Variants in FLG observed in about 807,000 individuals in gnomAD.
FLG encodes the protein epidermal filaggrin.
In FLG, 6 loss-of-function variants were observed where a neutral mutation model predicts 3.8. The observed-to-expected ratio is 1.60, with a 90% CI of 0.87 to 3.15. The LOEUF is 3.15. Among genes scored for constraint, FLG ranks in the 30% most tolerant of loss-of-function variants. The pLI, the probability that FLG is intolerant of heterozygous loss-of-function variation, is 0.00. For missense variants in FLG, 7,595 were observed against 5,050.9 expected, an observed-to-expected ratio of 1.50 and a Z score of -15.27; for synonymous variants, 2,551 against 1,931.6, an observed-to-expected ratio of 1.32 and a Z score of -8.41.
At position 152,308,834 on chromosome 1, in the gene FLG, T is replaced by C. The variant is rs1281153587; in HGVS notation, c.6052A>G (p.Arg2018Gly). The C allele has an allele frequency of 6.2e-7, 1 of 1,614,206 alleles. No homozygotes were observed. ...TGTCCATGCCCAATGCCTGAGTGTC[T>C]GGAGCTGTCTGCTGACTGGAGCTGG... Reference protein sequence around the residue: ...HHQLQSADSSRHSGIGHGQAS... With the variant: ...HHQLQSADSSGHSGIGHGQAS... Residue 2018 changes from arginine (R) to glycine (G), a missense_variant, in exon 3 of 3, where the codon AGA becomes GGA. Physicochemically the swap from Arg to Gly is moderately radical, Grantham distance 125. Transcript: ENST00000368799.
At chr1:152,320,037 G>A (rs759788013) in intron 1 of FLG, among the ~76,000 whole-genome samples, 6 of 151,100 alleles carry the variant, frequency 4.0e-5, no homozygotes, top group South Asian at 2.1e-4. Flanking sequence ...TTTGGGTAGG[G>A]GTTAAAGTAT....
In FLG at chr1:152,309,512, A is replaced by G. The variant is rs201994758; in HGVS notation, c.5374T>C (p.Ser1792Pro). 9.9e-6 allele frequency: 16 copies of G among 1,613,406 alleles called. No homozygotes were observed. The Admixed American group carries it at 2.2e-4, about 22-fold the overall frequency. ...TGPSTGGRQR[S>P]RHEQARDSSR... Reference sequence around the variant, plus strand: ...CTGTCTCGTGCCTGCTCGTGGCGGGATCTTTGTCTTCCTCCAGTGCTGGGC... The same window carrying G: ...CTGTCTCGTGCCTGCTCGTGGCGGGGTCTTTGTCTTCCTCCAGTGCTGGGC... The change falls in exon 3 of 3, where the codon TCC becomes CCC. Residue 1792 changes from serine to proline, a missense_variant. Coordinates refer to ENST00000368799, the MANE Select transcript of FLG (RefSeq NM_002016.2).
At chr1:152,320,678 T>A (rs1186414304) in intron 1 of FLG, among the ~76,000 whole-genome samples, 1 of 151,124 alleles carries the variant, frequency 6.6e-6, no homozygotes, top group Non-Finnish European at 1.5e-5. Context: ...TGTAAGAATG[T>A]AGAATATTTC....
At position 152,312,961 on chromosome 1, in the gene FLG, G is replaced by T. The variant is rs556813000; in HGVS notation, c.1925C>A (p.Ser642Tyr). 26 of 1,613,960 alleles carry T rather than the reference G, an allele frequency of 1.6e-5. No homozygotes were observed. The African/African-American group carries it at 3.5e-4, about 22-fold the overall frequency. The change falls in exon 3 of 3, where the codon TCC (serine) becomes TAC (tyrosine). Residue 642 changes from serine to tyrosine, a missense_variant. Ser to Tyr is a moderately radical substitution (Grantham distance 144, BLOSUM62 -2). Coordinates refer to ENST00000368799, the MANE Select transcript of FLG (RefSeq NM_002016.2). ...CTGAGCAGATCCATGATGGTTTCTG[G>T]AAGCAGACCCAGACCACCTCTCAGA... is the stretch of plus-strand genomic sequence containing the variant. ...EDSERWSGSASRNHHGSAQEQ... is the reference protein window; with the variant it reads ...EDSERWSGSAYRNHHGSAQEQ...
At position 152,312,941 on chromosome 1, in the gene FLG, C is replaced by A. The variant is rs375044373; in HGVS notation, c.1945G>T (p.Ala649Ser). The A allele has an allele frequency of 2.7e-5, 44 of 1,613,896 alleles. No homozygotes were observed. The highest frequency in any genetic ancestry group is 8.0e-5 in the African/African-American group (6 of 74,802). ...GAGCCATCTCTTGACTGCTCCTGAG[C>A]AGATCCATGATGGTTTCTGGAAGCA... is the stretch of plus-strand genomic sequence containing the variant. ...GSASRNHHGS[A>S]QEQSRDGSRH... The change falls in exon 3 of 3, where the codon GCT becomes TCT. Residue 649 changes from alanine (A) to serine (S), a missense_variant. Physicochemically the swap from Ala to Ser is moderately conservative, Grantham distance 99. Coordinates refer to ENST00000368799, the MANE Select transcript of FLG (RefSeq NM_002016.2).
Position 152,306,481 on chromosome 1 carries a change from T to G in FLG, c.8405A>C (p.His2802Pro). The G allele has an allele frequency of 6.2e-7, 1 of 1,608,792 alleles. No homozygotes were observed. Among genetic ancestry groups the G allele is most frequent in the Non-Finnish European group, 8.5e-7 (1 of 1,179,980 alleles). The stretch of plus-strand genomic sequence containing the variant: ...TCCAGAGCTATCTACCGAATGCTCG[T>G]GGTGGTACCCCTGCCTTCCTCCTCT... ...SSRGGRQGYH[H>P]EHSVDSSGHS... Residue 2802 changes from histidine (H) to proline (P), a missense_variant, in exon 3 of 3, where the codon CAC becomes CCC. Transcript: ENST00000368799.
Position 152,307,739 on chromosome 1 carries a change from C to G in FLG, c.7147G>C (p.Val2383Leu), listed in dbSNP as rs777216840. 5.0e-6 allele frequency: 8 copies of G among 1,613,472 alleles called. No homozygotes were observed. Among genetic ancestry groups the G allele is most frequent in the South Asian group, 1.1e-5 (1 of 91,022 alleles). Reference sequence around the variant, plus strand: ...GGCCCAGCCTGTCCGTGGGCTGACACTGACTGTGTGTCTGAGTCTTCTGAA... The same window carrying G: ...GGCCCAGCCTGTCCGTGGGCTGACAGTGACTGTGTGTCTGAGTCTTCTGAA... ...GHSEDSDTQSVSAHGQAGPHQ... is the reference protein window; with the variant it reads ...GHSEDSDTQSLSAHGQAGPHQ... The change falls in exon 3 of 3, where the codon GTG becomes CTG. Residue 2383 changes from valine to leucine, a missense_variant. By Grantham distance (32) the Val-to-Leu change is conservative. Transcript: ENST00000368799.
Position 152,304,619 on chromosome 1 carries a change from T to A in FLG, c.10267A>T (p.Arg3423Trp), listed in dbSNP as rs765987006. ...TGACCCTCTTGGGACGCTGAGTGCCTGGAGCTGTCTCGTGCCTGCTCGTGG... is the reference window on the plus strand; with the variant it reads ...TGACCCTCTTGGGACGCTGAGTGCCAGGAGCTGTCTCGTGCCTGCTCGTGG... The part of the protein sequence containing the change: ...SHHEQARDSS[R>W]HSASQEGQDT... The change falls in exon 3 of 3, where the codon AGG becomes TGG. Residue 3423 changes from arginine to tryptophan, a missense_variant. Arg to Trp is a moderately radical substitution (Grantham distance 101). Coordinates refer to ENST00000368799, the MANE Select transcript of FLG (RefSeq NM_002016.2). 33 of 1,613,008 alleles carry A rather than the reference T, an allele frequency of 2.0e-5. 1 individual carries two copies. The highest frequency in any genetic ancestry group is 2.7e-5 in the Non-Finnish European group (32 of 1,179,696).
intron 1 of FLG, among the ~76,000 whole-genome samples, chr1:152,318,429 T>C (rs12751649): frequency 0.018 from 2,712 of 152,068 alleles, 48 homozygotes; most frequent in South Asian, 0.06. Context: ...CTTTTTTTCT[T>C]GGATCTCATG....
At chr1:152,315,811 T>C (rs1652769467) in intron 1 of FLG, among the ~76,000 whole-genome samples, 2 of 152,178 alleles carry the variant, frequency 1.3e-5, no homozygotes, top group South Asian at 4.1e-4. Flanking sequence ...TGACTGGTTT[T>C]AAGCAGTAAA....
Position 152,309,316 on chromosome 1 carries a change from C to T in FLG, c.5570G>A (p.Gly1857Glu), listed in dbSNP as rs766927102. Residue 1857 changes from glycine (G) to glutamate (E), a missense_variant, in exon 3 of 3, where the codon GGG (glycine) becomes GAG (glutamate). By Grantham distance (98) the Gly-to-Glu change is moderately conservative. Transcript: ENST00000368799. ...GCTGACACTTCTGGATCCTGACTGC[C>T]CACGGGAGACATCAGACCTTTCCTG... The part of the protein sequence containing the change: ...TSQERSDVSR[G>E]QSGSRSVSRQ... The T allele has an allele frequency of 5.6e-6, 9 of 1,613,842 alleles. 1 individual carries two copies. Among genetic ancestry groups the T allele is most frequent in the East Asian group, 4.5e-5 (2 of 44,804 alleles).
chr1:152,318,835 T>C (rs1652868740), intron 1 of FLG, among the ~76,000 whole-genome samples: 1 of 151,802 alleles, frequency 6.6e-6, no homozygotes, highest in African/African-American at 2.4e-5. Context: ...AACAATAAAT[T>C]AATTCAACAA....
Position 152,309,905 on chromosome 1 carries a change from A to G in FLG, c.4981T>C (p.Ser1661Pro). 1 of 1,614,000 alleles carries G rather than the reference A, an allele frequency of 6.2e-7. No individual in the cohort carries two copies. Among genetic ancestry groups the G allele is most frequent in the Admixed American group, 1.7e-5 (1 of 60,006 alleles). ...RQSGTRHAET[S>P]SGGQAASSQE... ...GATGATGCAGCCTGTCCACCAGAGG[A>G]AGTCTCTGCATGACGAGTGCCTGAT... Residue 1661 changes from serine (S) to proline (P), a missense_variant, in exon 3 of 3, where the codon TCC (serine) becomes CCC (proline). Transcript: ENST00000368799.
At position 152,312,874 on chromosome 1, in the gene FLG, C is replaced by T. The variant is rs753354616; in HGVS notation, c.2012G>A (p.Gly671Glu). 7 of 1,613,838 alleles carry T rather than the reference C, an allele frequency of 4.3e-6. No individual in the cohort carries two copies. In the Admixed American group the frequency reaches 1.2e-4, roughly 27 times the overall value. Residue 671 changes from glycine (G) to glutamate (E), a missense_variant, in exon 3 of 3, where the codon GGG becomes GAG. Physicochemically the swap from Gly to Glu is moderately conservative, Grantham distance 98. Coordinates refer to ENST00000368799, the MANE Select transcript of FLG (RefSeq NM_002016.2). ...RSHHEDRAGH[G>E]HSADSSRKSG... ...TTTTCTGGAGCTGTCTGCAGAGTGC[C>T]CATGACCAGCTCTGTCTTCGTGATG... is the stretch of plus-strand genomic sequence containing the variant.
At position 152,302,370 on chromosome 1, in the gene FLG, A is replaced by G. The variant is rs1480179856; in HGVS notation, c.*330T>C. 4 of 307,498 alleles carry G rather than the reference A, an allele frequency of 1.3e-5. No individual in the cohort carries two copies. The highest frequency in any genetic ancestry group is 2.4e-5 in the Non-Finnish European group (4 of 165,814). The allele number at this position is 307,498 out of a possible 1,614,324, so 19.0% of individuals were successfully genotyped here. ...TCCTTCGATATTTCTGAAAAAGATT[A>G]ATTTAGAAATTTGGGGAGTGTCTAA... is the stretch of plus-strand genomic sequence containing the variant. On this transcript the variant is annotated 3_prime_UTR_variant, in exon 3 of 3. Transcript: ENST00000368799.
rs147066553 is a variant in FLG at position 152,304,742 on chromosome 1, G to C, written c.10144C>G (p.Arg3382Gly). The change falls in exon 3 of 3, where the codon CGT (arginine) becomes GGT (glycine). Residue 3382 changes from arginine to glycine, a missense_variant. Transcript: ENST00000368799. ...ARDRSGGRSG[R>G]SGSFLYQVST... ...ACCTGGTAGAGGAAAGACCCTGAAC[G>C]TCCAGACCTTCCCCCTGACCGGTCA... 13 of 1,613,388 alleles carry C rather than the reference G, an allele frequency of 8.1e-6. No individual in the cohort carries two copies. Among genetic ancestry groups the C allele is most frequent in the East Asian group, 2.2e-5 (1 of 44,754 alleles).
chr1:152,307,336 G>A lies in FLG; in HGVS notation c.7550C>T (p.Thr2517Ile). Residue 2517 changes from threonine (T) to isoleucine (I), a missense_variant, in exon 3 of 3, where the codon ACT (threonine) becomes ATT (isoleucine). Physicochemically the swap from Thr to Ile is moderately conservative, Grantham distance 89. Transcript: ENST00000368799. Reference sequence around the variant, plus strand: ...GTCTCCTGATTGTTCATCGTTACGAGTTTGTCTGCTTGCACTTCTGGATCC... The same window carrying A: ...GTCTCCTGATTGTTCATCGTTACGAATTTGTCTGCTTGCACTTCTGGATCC... ...HSGSRSASRQ[T>I]RNDEQSGDGS... 3 of 1,613,012 alleles carry A rather than the reference G, an allele frequency of 1.9e-6. No individual in the cohort carries two copies. Among genetic ancestry groups the A allele is most frequent in the Non-Finnish European group, 2.5e-6 (3 of 1,179,662 alleles).
Position 152,313,451 on chromosome 1 carries a change from C to G in FLG, c.1435G>C (p.Asp479His), listed in dbSNP as rs1652603484. The part of the protein sequence containing the change: ...LYQVSTHEQP[D>H]SAHGRTGTST... ...GTCCCGGTCCGTCCATGGGCAGAGT[C>G]AGGCTGTTCATGAGTGCTCACCTGG... Residue 479 changes from aspartate to histidine, a missense_variant, in exon 3 of 3, where the codon GAC (aspartate) becomes CAC (histidine). Physicochemically the swap from Asp to His is moderately conservative, Grantham distance 81. Coordinates refer to ENST00000368799, the MANE Select transcript of FLG (RefSeq NM_002016.2). The G allele has an allele frequency of 1.2e-6, 2 of 1,613,856 alleles. No individual in the cohort carries two copies.
rs774898663 is a variant in FLG, at chr1:152,303,403, G to A, written c.11483C>T (p.Ser3828Leu). The A allele has an allele frequency of 3.1e-6, 5 of 1,614,068 alleles. No individual in the cohort carries two copies. Among genetic ancestry groups the A allele is most frequent in the African/African-American group, 1.3e-5 (1 of 74,994 alleles). Residue 3828 changes from serine to leucine, a missense_variant, in exon 3 of 3, where the codon TCG (serine) becomes TTG (leucine). Transcript: ENST00000368799. ...CTGAGTGGAAGCTTCATGGTGACGC[G>A]ACCCTGAGTGCCTGGAGCCGTCTCC... ...QSGDGSRHSG[S>L]RHHEASTQAD... is the part of the protein sequence containing the mutation.
Sources: allele counts gnomAD v4.1 joint callset (sites outside exome capture counted in the v4.1 genomes callset), GRCh38; gene constraint gnomAD v4.1.1; transcripts MANE v1.5; gene names NCBI Gene and HGNC (gene_info 2026-07-23, HGNC 2026-07-21).